MYRFL: variants seen among roughly 807,000 people sequenced by gnomAD.
MYRFL encodes myelin regulatory factor like, also known as myelin regulatory factor-like protein.
In MYRFL, 88 loss-of-function variants were observed where a neutral mutation model predicts 109.4. The ratio of observed to expected loss-of-function variants is 0.80; its 90% CI spans 0.68 to 0.96. The LOEUF (loss-of-function observed/expected upper bound fraction) is 0.96. Ranked by LOEUF, MYRFL falls within the 40% of genes least tolerant of loss-of-function variation. The pLI, the probability that MYRFL is intolerant of heterozygous loss-of-function variation, is 0.00. For missense variants in MYRFL, 957 were observed against 954.9 expected (o/e 1.00, Z -0.03); for synonymous variants, 324 against 320.9 (o/e 1.01, Z -0.10).
chr12:69,940,390 C>T (rs1439708351), intron 19 of MYRFL, among the ~76,000 whole-genome samples: 1 of 150,582 alleles, frequency 6.6e-6, no homozygotes. Flanking sequence ...AGAGTGGGGG[C>T]CAATATTCAA....
At chr12:69,859,146 G>A (rs1042416296) in intron 2 of MYRFL, among the ~76,000 whole-genome samples, 2 of 151,952 alleles carry the variant, frequency 1.3e-5, no homozygotes, top group South Asian at 2.1e-4. Context: ...ACTTCCAAAC[G>A]TTTGGAAATT....
At chr12:69,868,098 CTTT>C (rs1454241117) in intron 2 of MYRFL, among the ~76,000 whole-genome samples, 1 of 143,156 alleles carries the variant, frequency 7.0e-6, no homozygotes, top group East Asian at 2.0e-4. Flanking sequence ...GCCTCGGTTT[CTTT>C]TTTTTTTCTT....
chr12:69,913,914 G>A (rs1463313122), intron 13 of MYRFL, among the ~76,000 whole-genome samples: 1 of 152,158 alleles, frequency 6.6e-6, no homozygotes, highest in Non-Finnish European at 1.5e-5. Flanking sequence ...ACAATATTAA[G>A]TCTTCTAATC....
chr12:69,944,759 A>T (rs1302343432), intron 19 of MYRFL, among the ~76,000 whole-genome samples: 1 of 152,228 alleles, frequency 6.6e-6, no homozygotes, highest in Non-Finnish European at 1.5e-5. Flanking sequence ...GGATAGCATT[A>T]GGAGAAATAC....
At chr12:69,900,405 A>C (rs1412891663) in intron 10 of MYRFL, among the ~76,000 whole-genome samples, 2 of 152,200 alleles carry the variant, frequency 1.3e-5, no homozygotes, top group Admixed American at 6.5e-5. Context: ...CCAGGAGTAC[A>C]TGGCATAAAG....
At chr12:69,893,369 A>G (rs1268230675) in intron 7 of MYRFL, among the ~76,000 whole-genome samples, 2 of 152,178 alleles carry the variant, frequency 1.3e-5, no homozygotes, top group Non-Finnish European at 2.9e-5. Flanking sequence ...AATTTTGTTA[A>G]TTGTGTTCAG....
At chr12:69,881,534 G>GTAGGGCAT (rs1355460740) in intron 5 of MYRFL, among the ~76,000 whole-genome samples, 1 of 152,174 alleles carries the variant, frequency 6.6e-6, no homozygotes, top group Non-Finnish European at 1.5e-5. Context: ...ACAGCCCCAT[G>GTAGGGCAT]GTAAGAGCTG....
intron 11 of MYRFL, among the ~76,000 whole-genome samples, chr12:69,909,536 G>T (rs1489399370): frequency 3.3e-5 from 5 of 151,838 alleles, no homozygotes; most frequent in African/African-American, 1.2e-4. Flanking sequence ...CAACTTTTTT[G>T]TCAGATAAAG....
intron 1 of MYRFL, among the ~76,000 whole-genome samples, chr12:69,832,463 A>G (rs150906407): frequency 1.2e-3 from 181 of 152,290 alleles, no homozygotes; most frequent in African/African-American, 4.2e-3. Flanking sequence ...TGATTTCAAA[A>G]TGTCATTAAT....
chr12:69,853,227 C>A (rs567736116), intron 1 of MYRFL, among the ~76,000 whole-genome samples: 182 of 151,612 alleles, frequency 1.2e-3, no homozygotes, highest in African/African-American at 4.2e-3. Context: ...CCCCTACCTC[C>A]CTCCCGGACG....
At chr12:69,885,109 T>C (rs1466764352) in intron 5 of MYRFL, among the ~76,000 whole-genome samples, 3 of 152,024 alleles carry the variant, frequency 2.0e-5, no homozygotes, top group East Asian at 3.9e-4. Flanking sequence ...GTTTCTTTCT[T>C]TTTTTTAAAA....
At chr12:69,832,944 TTGTGTG>T (rs57702116) in intron 1 of MYRFL, among the ~76,000 whole-genome samples, 28,585 of 143,536 alleles carry the variant, frequency 0.2, 2,877 homozygotes, top group Non-Finnish European at 0.22. Flanking sequence ...AGGAACAGGC[TTGTGTG>T]TGTGTGTGTG....
At chr12:69,946,014 A>AAAG (rs1955829299) in intron 19 of MYRFL, among the ~76,000 whole-genome samples, 1 of 142,726 alleles carries the variant, frequency 7.0e-6, no homozygotes, top group Non-Finnish European at 1.5e-5. Context: ...AAAAAAAAAA[A>AAAG]TTATAGAAAC....
At chr12:69,878,905 C>A (rs773641136) in intron 2 of MYRFL, 123 bp from the exon 3 acceptor site, 32 of 668,434 alleles carry the variant, frequency 4.8e-5, no homozygotes, top group East Asian at 2.7e-4. Context: ...CCCTCACCCC[C>A]CCATGCCCAG....
At chr12:69,862,298 A>G (rs1466366409) in intron 2 of MYRFL, among the ~76,000 whole-genome samples, 4 of 150,428 alleles carry the variant, frequency 2.7e-5, no homozygotes, top group Non-Finnish European at 4.5e-5. Context: ...AGTCATTGGT[A>G]GCTTGATGGG....
chr12:69,932,725 G>A, intron 16 of MYRFL, 127 bp downstream of exon 16: 1 of 646,814 alleles, frequency 1.5e-6, no homozygotes, highest in Non-Finnish European at 2.6e-6. Context: ...ACTAGACACT[G>A]AACTCTGATA....
At position 69,957,949 on chromosome 12, in the gene MYRFL, T is replaced by A. The variant is rs1395344300; in HGVS notation, c.2571+7T>A. 2.0e-6 allele frequency: 3 copies of A among 1,528,586 alleles called. No homozygotes were observed. In the East Asian group the frequency reaches 7.4e-5, roughly 38 times the overall value. 94.7% of individuals were successfully genotyped at this position (1,528,586 alleles called of 1,614,324 possible). ...CTCCCAGGAGATGACACAGGTAATG[T>A]TTTCTGCCTCCTCTCTTCCCCGCTG... On this transcript the variant is annotated splice_region_variant and intron_variant, in intron 23 of 24. Transcript: ENST00000552032.
chr12:69,829,473 G>T (rs902176606), intron 1 of MYRFL, among the ~76,000 whole-genome samples: 1 of 151,984 alleles, frequency 6.6e-6, no homozygotes, highest in Admixed American at 6.6e-5. Context: ...CTTCAGGGAG[G>T]TTAAGCAGAA....
chr12:69,948,627 G>A (rs10879061), intron 19 of MYRFL, among the ~76,000 whole-genome samples: 42,222 of 152,072 alleles, frequency 0.28, 6,179 homozygotes, highest in East Asian at 0.48. Flanking sequence ...TAGTAGAGAC[G>A]TGTTTGAAAA....
Sources: gnomAD v4.1 joint callset for allele counts (sites outside exome capture counted in the v4.1 genomes callset) on GRCh38, gnomAD v4.1.1 for gene constraint, MANE v1.5 for transcripts, NCBI Gene and HGNC (gene_info 2026-07-23, HGNC 2026-07-21) for gene names.